KANK1: variants seen among roughly 807,000 people sequenced by gnomAD.
KANK1 encodes the protein KN motif and ankyrin repeat domain-containing protein 1.
In KANK1, 109 loss-of-function variants were observed where a neutral mutation model predicts 106.2. The ratio of observed to expected loss-of-function variants is 1.03; its 90% confidence interval spans 0.88 to 1.20. The LOEUF (loss-of-function observed/expected upper bound fraction) is 1.20, where lower values mean the gene tolerates loss of function less well. KANK1 is among the 50% of genes most tolerant of loss of function. The probability of loss-of-function intolerance (pLI) is 0.00; values close to 1 mark genes in which losing one functional copy is unlikely to be tolerated. For missense variants in KANK1, 2,399 were observed against 1,710.7 expected (o/e 1.40, Z -7.10); for synonymous variants, 873 against 652.2 (o/e 1.34, Z -5.16).
At chr9:599,868 T>C (rs1325556961) in intron 1 of KANK1, among the ~76,000 whole-genome samples, 1 of 151,878 alleles carries the variant, frequency 6.6e-6, no homozygotes, top group Non-Finnish European at 1.5e-5. Context: ...GAGGGATGAC[T>C]GTACTTTGTT....
At chr9:527,915 A>G (rs549746120) in intron 1 of KANK1, among the ~76,000 whole-genome samples, 1 of 148,596 alleles carries the variant, frequency 6.7e-6, no homozygotes, top group East Asian at 1.9e-4. Flanking sequence ...CCTGATCACA[A>G]GGTCAGGAGA....
chr9:678,759 T>G (rs1816906022), intron 2 of KANK1, among the ~76,000 whole-genome samples: 1 of 152,104 alleles, frequency 6.6e-6, no homozygotes, highest in African/African-American at 2.4e-5. Flanking sequence ...ATGATGACTT[T>G]CTCCAGTAAA....
intron 1 of KANK1, among the ~76,000 whole-genome samples, chr9:574,457 C>A (rs193278258): frequency 1.2e-3 from 183 of 152,046 alleles, no homozygotes; most frequent in Non-Finnish European, 2.2e-3. Context: ...TGCTTTTCCA[C>A]CTTAAATTGA....
At chr9:634,451 A>G (rs994808529) in intron 1 of KANK1, among the ~76,000 whole-genome samples, 1 of 152,130 alleles carries the variant, frequency 6.6e-6, no homozygotes, top group African/African-American at 2.4e-5. Flanking sequence ...TATAGTAGTG[A>G]TGTTATCTAT....
chr9:727,148 C>G (rs1234122095), intron 3 of KANK1, among the ~76,000 whole-genome samples: 1 of 152,168 alleles, frequency 6.6e-6, no homozygotes, highest in Non-Finnish European at 1.5e-5. Flanking sequence ...TACAAGCAGA[C>G]TGTCTGCCTC....
intron 1 of KANK1, among the ~76,000 whole-genome samples, chr9:600,289 C>T (rs1827412288): frequency 2.6e-5 from 4 of 151,678 alleles, no homozygotes; most frequent in Admixed American, 2.0e-4. Context: ...CACACGCTGT[C>T]TGTCTTTTTG....
chr9:608,131 G>A (rs1459282450), intron 1 of KANK1, among the ~76,000 whole-genome samples: 1 of 144,578 alleles, frequency 6.9e-6, no homozygotes, highest in Non-Finnish European at 1.5e-5. Context: ...TCCGCTTCCC[G>A]GGTTCACGCC....
chr9:660,019 C>A (rs1842949801), intron 1 of KANK1: 1 of 312,368 alleles, frequency 3.2e-6, no homozygotes, highest in Non-Finnish European at 6.5e-6. Context: ...CTCTTTCCAC[C>A]CCTTTGCTGA....
At chr9:547,942 A>C (rs965897509) in intron 1 of KANK1, among the ~76,000 whole-genome samples, 2 of 152,096 alleles carry the variant, frequency 1.3e-5, no homozygotes, top group African/African-American at 2.4e-5. Flanking sequence ...AGATCATCTG[A>C]CTTTTTTTTA....
At chr9:561,743 A>G (rs1816494767) in intron 1 of KANK1, among the ~76,000 whole-genome samples, 1 of 152,168 alleles carries the variant, frequency 6.6e-6, no homozygotes, top group African/African-American at 2.4e-5. Context: ...AAATGCATGA[A>G]AGTTTTAGTG....
chr9:511,646 T>C (rs1024243227), intron 1 of KANK1, among the ~76,000 whole-genome samples: 20 of 152,348 alleles, frequency 1.3e-4, no homozygotes, highest in African/African-American at 4.6e-4. Flanking sequence ...TTTGCTGTTA[T>C]TCCCTTAATT....
At chr9:646,753 G>C (rs140983248) in intron 1 of KANK1, among the ~76,000 whole-genome samples, 1 of 148,838 alleles carries the variant, frequency 6.7e-6, no homozygotes, top group African/African-American at 2.6e-5. Flanking sequence ...GCAGTGGCAC[G>C]ATCTCAGCTC....
At position 624,426 on chromosome 9, in the gene KANK1, A is replaced by G. The variant is rs190531703; in HGVS notation, c.-83-52464A>G. Among the ~76,000 whole-genome samples the G allele has an allele frequency of 1.4e-4, 22 of 152,320 alleles. 1 individual carries two copies. The East Asian group carries it at 4.2e-3, about 29-fold the overall frequency. ...TTTATATCAAATAATCACATTGTAT[A>G]CTTTGAATACGTATAATTTCTATTA... On this transcript the variant is annotated intron_variant, in intron 1 of 11. Transcript: ENST00000382297.
rs569789039 is a variant in KANK1 at position 615,673 on chromosome 9, C to T, written c.-83-61217C>T. Among the ~76,000 whole-genome samples the T allele has an allele frequency of 1.3e-4, 20 of 152,196 alleles. No individual in the cohort carries two copies. The Middle Eastern group carries it at 0.02, about 155-fold the overall frequency. On this transcript the variant is annotated intron_variant, in intron 1 of 11. Transcript: ENST00000382297. ...GTTTATTTTCCCTGGTTGGTCTTTG[C>T]ATTTGTCCAGTTAACACCAGCTTCT...
chr9:545,463 C>T (rs2060869720), intron 1 of KANK1, among the ~76,000 whole-genome samples: 1 of 152,036 alleles, frequency 6.6e-6, no homozygotes, highest in South Asian at 2.1e-4. Flanking sequence ...ATAAGATCAC[C>T]TAGTTAGAGG....
intron 1 of KANK1, among the ~76,000 whole-genome samples, chr9:628,686 T>TTG (rs1268339401): frequency 6.6e-6 from 1 of 152,116 alleles, no homozygotes; most frequent in Non-Finnish European, 1.5e-5. Flanking sequence ...AGTTCCCAGG[T>TTG]TGAAACATCC....
At chr9:525,385 A>C (rs1047925616) in intron 1 of KANK1, among the ~76,000 whole-genome samples, 1 of 100,214 alleles carries the variant, frequency 1.0e-5, no homozygotes, top group African/African-American at 6.3e-5. Context: ...GTGTGTGTGT[A>C]TTTATTTGAG....
intron 1 of KANK1, among the ~76,000 whole-genome samples, chr9:656,023 A>G (rs1474595357): frequency 6.6e-6 from 1 of 152,142 alleles, no homozygotes; most frequent in Non-Finnish European, 1.5e-5. Flanking sequence ...AGAGGCTGAA[A>G]GTTTAGTAAT....
intron 1 of KANK1, among the ~76,000 whole-genome samples, chr9:594,608 A>G (rs1000391905): frequency 6.6e-6 from 1 of 151,882 alleles, no homozygotes; most frequent in Non-Finnish European, 1.5e-5. Flanking sequence ...GATTGTTTAT[A>G]TTTTGTAAAA....
Sources: allele counts gnomAD v4.1 joint callset (sites outside exome capture counted in the v4.1 genomes callset), GRCh38; gene constraint gnomAD v4.1.1; transcripts MANE v1.5; gene names NCBI Gene and HGNC (gene_info 2026-07-23, HGNC 2026-07-21).